The following EML4 variants were observed in gnomAD, a reference collection of about 807,000 sequenced individuals.
The protein encoded by EML4 is echinoderm microtubule-associated protein-like 4.
A neutral mutation model predicts 129.0 loss-of-function variants in EML4; 72 were observed. The observed-to-expected ratio is 0.56, with a 90% CI of 0.46 to 0.68. EML4 has a LOEUF of 0.68. EML4 is among the 30% of genes least tolerant of loss of function. The pLI, the probability that EML4 is intolerant of heterozygous loss-of-function variation, is 0.00. For missense variants in EML4, 1,363 were observed against 1,190.6 expected (o/e 1.14, Z -2.13); for synonymous variants, 532 against 405.0 (o/e 1.31, Z -3.77).
At chr2:42,311,527 C>T (rs534916013) in intron 17 of EML4, among the ~76,000 whole-genome samples, 9 of 151,464 alleles carry the variant, frequency 5.9e-5, no homozygotes, top group African/African-American at 1.9e-4. Flanking sequence ...GGCAACAGAG[C>T]GAGACCCTGT....
At chr2:42,258,515 T>C (rs1665499980) in intron 3 of EML4, among the ~76,000 whole-genome samples, 1 of 152,140 alleles carries the variant, frequency 6.6e-6, no homozygotes, top group South Asian at 2.1e-4. Flanking sequence ...ATTCTCCTGC[T>C]GCAGCACCCG....
intron 1 of EML4, among the ~76,000 whole-genome samples, chr2:42,217,236 A>G (rs1673251685): frequency 1.3e-5 from 2 of 152,078 alleles, no homozygotes; most frequent in South Asian, 4.2e-4. Flanking sequence ...TTCTTTTTGA[A>G]CTCTAGACAA....
chr2:42,230,849 G>C (rs1279181754), intron 1 of EML4, among the ~76,000 whole-genome samples: 1 of 152,162 alleles, frequency 6.6e-6, no homozygotes, highest in African/African-American at 2.4e-5. Context: ...CTCAGAAAAG[G>C]CTCATTCTTT....
chr2:42,264,766 C>A (rs531578363), intron 6 of EML4, 35 bp downstream of exon 6: 1 of 1,457,784 alleles, frequency 6.9e-7, no homozygotes, highest in Non-Finnish European at 9.5e-7. Flanking sequence ...TTTTATTTTG[C>A]CCTTCTTAGT....
chr2:42,224,809 A>G (rs1396044384), intron 1 of EML4, among the ~76,000 whole-genome samples: 1 of 152,112 alleles, frequency 6.6e-6, no homozygotes, highest in Non-Finnish European at 1.5e-5. Flanking sequence ...ATTTTAATCA[A>G]TTTTAACTTT....
chr2:42,291,709 C>T (rs1033988450), intron 11 of EML4, among the ~76,000 whole-genome samples: 6 of 152,052 alleles, frequency 3.9e-5, no homozygotes, highest in African/African-American at 1.2e-4. Context: ...CCCCGCCTAT[C>T]AAGACACCTT....
At chr2:42,239,225 T>C (rs986463174) in intron 1 of EML4, among the ~76,000 whole-genome samples, 20 of 152,216 alleles carry the variant, frequency 1.3e-4, no homozygotes, top group Non-Finnish European at 2.9e-4. Flanking sequence ...TATTCTGTTT[T>C]AGAAAGATAT....
chr2:42,196,415 A>T (rs1445429293), intron 1 of EML4, among the ~76,000 whole-genome samples: 1 of 152,196 alleles, frequency 6.6e-6, no homozygotes, highest in Non-Finnish European at 1.5e-5. Flanking sequence ...GAGATAAATA[A>T]TGGACACAGC....
chr2:42,326,544 C>T (rs1305101868), intron 21 of EML4, among the ~76,000 whole-genome samples: 3 of 150,286 alleles, frequency 2.0e-5, no homozygotes, highest in Non-Finnish European at 4.4e-5. Context: ...TTTGGAAAGG[C>T]ATTTTTAAAT....
Position 42,301,410 on chromosome 2 carries a change from A to T in EML4, c.1641+18A>T. The T allele has an allele frequency of 1.3e-6, 2 of 1,585,860 alleles. No individual in the cohort carries two copies. The highest frequency in any genetic ancestry group is 1.7e-6 in the Non-Finnish European group (2 of 1,165,336). Reference sequence around the variant, plus strand: ...AAATAGAGGTAAGGATGGAAACGGAATATAAAAATATTAAATACTCTAAAC... The same window carrying T: ...AAATAGAGGTAAGGATGGAAACGGATTATAAAAATATTAAATACTCTAAAC... On this transcript the variant is annotated intron_variant, in intron 14 of 22. Transcript: ENST00000318522.
In EML4 at chr2:42,295,464, G is replaced by A. The variant is rs575842055; in HGVS notation, c.1437G>A (p.Met479Ile). The A allele has an allele frequency of 8.8e-5, 142 of 1,613,980 alleles. No homozygotes were observed. Among genetic ancestry groups the A allele is most frequent in the Middle Eastern group, 3.3e-4 (2 of 6,060 alleles). Residue 479 changes from methionine (M) to isoleucine (I), a missense_variant, in exon 13 of 23, where the codon ATG becomes ATA. Transcript: ENST00000318522. ...TTACTGGAGACTCAGGTGGAGTCAT[G>A]CTTATATGGAGCAAAACTACTGTAG... Reference protein sequence around the residue: ...DVLTGDSGGVMLIWSKTTVEP... With the variant: ...DVLTGDSGGVILIWSKTTVEP...
chr2:42,196,748 A>T (rs1671917953), intron 1 of EML4, among the ~76,000 whole-genome samples: 1 of 152,160 alleles, frequency 6.6e-6, no homozygotes, highest in African/African-American at 2.4e-5. Flanking sequence ...TAACCCACCA[A>T]ATTAGTAACT....
intron 6 of EML4, among the ~76,000 whole-genome samples, chr2:42,270,864 T>C (rs1388556330): frequency 6.6e-6 from 1 of 152,206 alleles, no homozygotes; most frequent in Admixed American, 6.5e-5. Flanking sequence ...GCATTTCCAG[T>C]GGAGACACAT....
At chr2:42,187,094 A>G (rs537772468) in intron 1 of EML4, among the ~76,000 whole-genome samples, 5 of 150,348 alleles carry the variant, frequency 3.3e-5, no homozygotes, top group Admixed American at 6.6e-5. Context: ...CCCAGGCTGG[A>G]GTGCAGTGGC....
intron 17 of EML4, among the ~76,000 whole-genome samples, chr2:42,309,077 TAA>T (rs1394244064): frequency 3.3e-5 from 5 of 152,054 alleles, no homozygotes; most frequent in Non-Finnish European, 5.9e-5. Flanking sequence ...CTCTGGGATA[TAA>T]AAGAGTAGAA....
chr2:42,261,041 A>G lies in EML4; in HGVS notation c.339-80A>G, dbSNP rs576045053. 6.3e-5 allele frequency: 68 copies of G among 1,086,098 alleles called. 1 individual carries two copies. In the South Asian group the frequency reaches 9.2e-4, roughly 15 times the overall value. 67.3% of individuals were successfully genotyped at this position (1,086,098 alleles called of 1,614,324 possible). A position where few individuals can be genotyped will look rare whatever the true frequency, so the allele number is the denominator to read the frequency against. ...TGTATGACTTAGGGTTTTGAATTAT[A>G]TAATAATCACTTTTCTATCGTTTGA... On this transcript the variant is annotated intron_variant, in intron 3 of 22. Coordinates refer to ENST00000318522, the MANE Select transcript of EML4 (RefSeq NM_019063.5).
At chr2:42,265,869 A>G (rs72798509) in intron 6 of EML4, among the ~76,000 whole-genome samples, 3 of 152,350 alleles carry the variant, frequency 2.0e-5, no homozygotes, top group Non-Finnish European at 2.9e-5. Flanking sequence ...AAAAGAGAGC[A>G]GACTTTTGGC....
Position 42,264,877 on chromosome 2 carries a change from C to A in EML4, c.667+146C>A, listed in dbSNP as rs1327295946. The A allele has an allele frequency of 7.8e-6, 12 of 1,543,628 alleles. No homozygotes were observed. The East Asian group carries it at 1.2e-4, about 16-fold the overall frequency. On this transcript the variant is annotated intron_variant, in intron 6 of 22. Transcript: ENST00000318522. ...TTACTGTAGTCATTTAGGAAAAAACCCAGTTTTTATTGTAAGGTAATGTCA... is the reference window on the plus strand; with the variant it reads ...TTACTGTAGTCATTTAGGAAAAAACACAGTTTTTATTGTAAGGTAATGTCA...
At chr2:42,184,170 C>G (rs1671109770) in intron 1 of EML4, among the ~76,000 whole-genome samples, 1 of 152,134 alleles carries the variant, frequency 6.6e-6, no homozygotes, top group Admixed American at 6.6e-5. Context: ...TTTTATCTCA[C>G]TCTATTCTTA....
Sources: allele counts gnomAD v4.1 joint callset (sites outside exome capture counted in the v4.1 genomes callset), GRCh38; gene constraint gnomAD v4.1.1; transcripts MANE v1.5; gene names NCBI Gene and HGNC (gene_info 2026-07-23, HGNC 2026-07-21).